IFNG-AS1: variants seen among roughly 807,000 people sequenced by gnomAD.
IFNG-AS1 encodes IFNG regulatory antisense RNA 1, also known as IFNG antisense RNA 1 (non-protein coding).
intron 3 of IFNG-AS1, among the ~76,000 whole-genome samples, chr12:68,007,753 G>A (rs1436768949): frequency 6.6e-6 from 1 of 152,166 alleles, no homozygotes; most frequent in Admixed American, 6.5e-5. Flanking sequence ...ATACTTTTGG[G>A]AAGGCTACTT....
intron 1 of IFNG-AS1, among the ~76,000 whole-genome samples, chr12:67,995,007 A>C (rs941374665): frequency 6.6e-6 from 1 of 152,252 alleles, no homozygotes; most frequent in African/African-American, 2.4e-5. Context: ...GATGAAGCTC[A>C]ATAAACAATT....
intron 1 of IFNG-AS1, among the ~76,000 whole-genome samples, chr12:67,991,296 G>A (rs1350154976): frequency 6.6e-6 from 1 of 152,212 alleles, no homozygotes; most frequent in Non-Finnish European, 1.5e-5. Flanking sequence ...AGTGGCAGAT[G>A]AGCTGCTATA....
At chr12:67,990,194 G>C (rs1405763105) in intron 1 of IFNG-AS1, among the ~76,000 whole-genome samples, 1 of 152,044 alleles carries the variant, frequency 6.6e-6, no homozygotes, top group Non-Finnish European at 1.5e-5. Context: ...GTTTTGTTCT[G>C]TATTTTCCCA....
At chr12:68,003,899 C>T (rs951893004) in intron 2 of IFNG-AS1, among the ~76,000 whole-genome samples, 8 of 137,960 alleles carry the variant, frequency 5.8e-5, no homozygotes, top group East Asian at 2.4e-4. Context: ...AGTGAGACTC[C>T]GTCTCCAAAA....
intron 1 of IFNG-AS1, among the ~76,000 whole-genome samples, chr12:67,994,627 C>T (rs1418069559): frequency 6.6e-6 from 1 of 152,190 alleles, no homozygotes; most frequent in Admixed American, 6.5e-5. Flanking sequence ...CACAACATGT[C>T]TGCCGCTATT....
intron 2 of IFNG-AS1, among the ~76,000 whole-genome samples, chr12:67,998,727 A>C (rs1879699309): frequency 6.6e-6 from 1 of 152,114 alleles, no homozygotes; most frequent in Admixed American, 6.5e-5. Flanking sequence ...TACAAACCAC[A>C]CTGAAGGGGA....
intron 3 of IFNG-AS1, among the ~76,000 whole-genome samples, chr12:68,015,180 A>G (rs1158957471): frequency 6.6e-6 from 1 of 152,158 alleles, no homozygotes; most frequent in African/African-American, 2.4e-5. Context: ...AGCAAGCCAG[A>G]TGGACACAAA....
In IFNG-AS1 at chr12:68,002,012, T is replaced by G. The variant is rs149141780; in HGVS notation, n.185-4078T>G. On this transcript the variant is annotated intron_variant and non_coding_transcript_variant, in intron 2 of 5. Transcript: ENST00000536914. ...AATTTATTTACATGTGTTAATTATA[T>G]TATTGATTTAGGTTAAACATTGAAA... Among the ~76,000 whole-genome samples, 211 of 152,354 alleles carry G rather than the reference T, an allele frequency of 1.4e-3. 1 individual carries two copies. The highest frequency in any genetic ancestry group is 4.5e-3 in the African/African-American group (189 of 41,588).
chr12:68,008,079 G>A (rs1254293090), intron 3 of IFNG-AS1, among the ~76,000 whole-genome samples: 2 of 152,176 alleles, frequency 1.3e-5, no homozygotes, highest in East Asian at 3.8e-4. Flanking sequence ...GTTCAATACT[G>A]CTAAAGACTA....
intron 2 of IFNG-AS1, among the ~76,000 whole-genome samples, chr12:68,003,295 A>G (rs75234656): frequency 0.011 from 1,737 of 152,236 alleles, 38 homozygotes; most frequent in African/African-American, 0.039. Flanking sequence ...GAATCTTCCT[A>G]TCCAGGCTGT....
intron 2 of IFNG-AS1, among the ~76,000 whole-genome samples, chr12:68,003,232 TG>T (rs1024874049): frequency 1.1e-4 from 16 of 152,140 alleles, no homozygotes; most frequent in Non-Finnish European, 1.8e-4. Flanking sequence ...TCTTTAGAAA[TG>T]GGTGAGGTGG....
At chr12:68,020,777 T>C (rs2120491194) in intron 4 of IFNG-AS1, 1 of 152,210 alleles carries the variant, frequency 6.6e-6, no homozygotes, top group Middle Eastern at 3.4e-3. Context: ...AACTCACCCA[T>C]TGAAGTGACA....
At chr12:67,996,768 C>T (rs1879651449) in intron 2 of IFNG-AS1, among the ~76,000 whole-genome samples, 1 of 152,206 alleles carries the variant, frequency 6.6e-6, no homozygotes, top group Non-Finnish European at 1.5e-5. Flanking sequence ...GTCCATTGCT[C>T]ATTCTATGAC....
At chr12:68,000,771 C>A (rs1257173516) in intron 2 of IFNG-AS1, among the ~76,000 whole-genome samples, 1 of 151,982 alleles carries the variant, frequency 6.6e-6, no homozygotes, top group Non-Finnish European at 1.5e-5. Flanking sequence ...TTGCTCTGAC[C>A]CATTGTTTTA....
chr12:67,993,567 C>G (rs939689728), intron 1 of IFNG-AS1, among the ~76,000 whole-genome samples: 1 of 152,140 alleles, frequency 6.6e-6, no homozygotes, highest in Non-Finnish European at 1.5e-5. Flanking sequence ...TACCAAAATG[C>G]TAACAATGAA....
At chr12:68,010,463 TTCCC>T (rs1880000937) in intron 3 of IFNG-AS1, among the ~76,000 whole-genome samples, 1 of 152,208 alleles carries the variant, frequency 6.6e-6, no homozygotes, top group Non-Finnish European at 1.5e-5. Flanking sequence ...CTCCATCATT[TTCCC>T]AGTTTCAAAC....
intron 2 of IFNG-AS1, among the ~76,000 whole-genome samples, chr12:68,001,793 C>A (rs370349526): frequency 2.9e-4 from 44 of 152,100 alleles, no homozygotes; most frequent in African/African-American, 1.0e-3. Context: ...TGAACTCAAA[C>A]CCTAACCTGA....
intron 2 of IFNG-AS1, among the ~76,000 whole-genome samples, chr12:68,003,960 G>GCATCA (rs60212780): frequency 6.6e-6 from 1 of 150,552 alleles, no homozygotes; most frequent in Non-Finnish European, 1.5e-5. Flanking sequence ...AGGCTATGTT[G>GCATCA]GTTTGTATGT....
rs571904175 is a variant in IFNG-AS1 at position 68,018,951 on chromosome 12, G to A, written n.242-911G>A. ...GTGGTTTTTACCACGCCTTTGAGTG[G>A]AAGCAGAATTTGAACTCTCTCATAC... On this transcript the variant is annotated intron_variant and non_coding_transcript_variant, in intron 3 of 5. Coordinates refer to ENST00000536914, the Ensembl canonical transcript of IFNG-AS1. 4.2e-3 allele frequency among the ~76,000 whole-genome samples: 645 copies of A among 152,158 alleles called. 5 individuals are homozygous for A. Among genetic ancestry groups the A allele is most frequent in the Non-Finnish European group, 6.3e-3 (427 of 68,006 alleles).
Sources: allele counts gnomAD v4.1 joint callset (sites outside exome capture counted in the v4.1 genomes callset), GRCh38; gene constraint gnomAD v4.1.1; transcripts MANE v1.5; gene names NCBI Gene and HGNC (gene_info 2026-07-23, HGNC 2026-07-21).